Variants in ATF2 observed in about 807,000 individuals in gnomAD.
ATF2 encodes the protein activating transcription factor 2, also known as cyclic AMP-dependent transcription factor ATF-2.
Under a neutral mutation model 60.6 loss-of-function variants are expected in ATF2, and 24 were observed. The ratio of observed to expected loss-of-function variants is 0.40; its 90% CI spans 0.29 to 0.56. The LOEUF is 0.56. Ranked by LOEUF, ATF2 falls within the 20% of genes least tolerant of loss-of-function variation. The pLI is 0.54. For synonymous variants in ATF2, 206 were observed against 215.4 expected (o/e 0.96, Z 0.38); for missense variants, 433 against 607.7 (o/e 0.71, Z 3.02).
chr2:175,093,339 G>A, intron 11 of ATF2, 72 bp from the exon 12 acceptor site: 1 of 1,434,686 alleles, frequency 7.0e-7, no homozygotes, highest in Non-Finnish European at 9.6e-7. Flanking sequence ...AGTAAAGGGT[G>A]TCAAAGGGGG....
chr2:175,083,143 C>G (rs528742450), intron 12 of ATF2, among the ~76,000 whole-genome samples: 5 of 151,830 alleles, frequency 3.3e-5, no homozygotes, highest in Admixed American at 3.3e-4. Flanking sequence ...TTGGAAAAAA[C>G]TACTTTAAAG....
intron 2 of ATF2, among the ~76,000 whole-genome samples, chr2:175,142,720 A>AGTGTGT (rs755635658): frequency 6.9e-4 from 49 of 71,182 alleles, no homozygotes; most frequent in South Asian, 2.2e-3. Context: ...AGAGAGAGAG[A>AGTGTGT]GTGTGTGTGT....
At chr2:175,159,856 C>G (rs1411692245) in intron 1 of ATF2, among the ~76,000 whole-genome samples, 5 of 152,116 alleles carry the variant, frequency 3.3e-5, no homozygotes, top group African/African-American at 1.2e-4. Flanking sequence ...AATAACATCA[C>G]CTTAGATTTG....
chr2:175,140,529 T>C (rs1023478499), intron 2 of ATF2, among the ~76,000 whole-genome samples: 2 of 151,964 alleles, frequency 1.3e-5, no homozygotes, highest in Admixed American at 6.6e-5. Context: ...GAGAAAACTT[T>C]TGAGGGTGAC....
At chr2:175,123,887 C>T (rs1007214195) in intron 4 of ATF2, among the ~76,000 whole-genome samples, 4 of 151,990 alleles carry the variant, frequency 2.6e-5, no homozygotes, top group African/African-American at 9.7e-5. Flanking sequence ...GCACTTGATA[C>T]AGGTGAATTT....
chr2:175,104,696 T>A (rs768749017), intron 10 of ATF2, among the ~76,000 whole-genome samples: 4 of 152,196 alleles, frequency 2.6e-5, no homozygotes, highest in Non-Finnish European at 5.9e-5. Flanking sequence ...GATGACAGAA[T>A]TGTTTATATG....
intron 1 of ATF2, among the ~76,000 whole-genome samples, chr2:175,163,964 G>C (rs1700189472): frequency 8.5e-6 from 1 of 117,372 alleles, no homozygotes; most frequent in African/African-American, 2.9e-5. Context: ...TAGTTTCAAG[G>C]TTGCCAACAA....
intron 10 of ATF2, among the ~76,000 whole-genome samples, chr2:175,103,945 T>C (rs1261000411): frequency 6.6e-6 from 1 of 152,116 alleles, no homozygotes; most frequent in East Asian, 1.9e-4. Flanking sequence ...AAGTACTATA[T>C]AGTCTTTCAT....
At chr2:175,158,753 A>G (rs1290901379) in intron 1 of ATF2, among the ~76,000 whole-genome samples, 3 of 152,074 alleles carry the variant, frequency 2.0e-5, no homozygotes, top group Non-Finnish European at 4.4e-5. Flanking sequence ...GCCCCTGGCC[A>G]GGAAAATTTT....
chr2:175,078,258 C>T (rs560441150), intron 13 of ATF2, among the ~76,000 whole-genome samples: 183 of 152,232 alleles, frequency 1.2e-3, no homozygotes, highest in African/African-American at 4.4e-3. Context: ...AGGGATGAGC[C>T]ACAGTGCCTG....
chr2:175,151,773 GA>G (rs1699331082), intron 1 of ATF2, among the ~76,000 whole-genome samples: 1 of 152,132 alleles, frequency 6.6e-6, no homozygotes, highest in Non-Finnish European at 1.5e-5. Flanking sequence ...AGGCAATCCA[GA>G]ACCATGATCG....
At chr2:175,120,777 C>T (rs961933240) in intron 5 of ATF2, among the ~76,000 whole-genome samples, 40 of 151,594 alleles carry the variant, frequency 2.6e-4, no homozygotes, top group African/African-American at 8.9e-4. Flanking sequence ...TGTATATATA[C>T]ATAGATGTGT....
intron 1 of ATF2, among the ~76,000 whole-genome samples, chr2:175,153,986 G>A (rs190807927): frequency 4.0e-5 from 6 of 151,750 alleles, no homozygotes; most frequent in South Asian, 2.1e-4. Flanking sequence ...TTGGGAAACC[G>A]AGGTGGGCGG....
Position 175,097,571 on chromosome 2 carries a change from T to C in ATF2, c.851A>G (p.Gln284Arg). 6.2e-7 allele frequency: 1 copy of C among 1,614,104 alleles called. No individual in the cohort carries two copies. The highest frequency in any genetic ancestry group is 8.5e-7 in the Non-Finnish European group (1 of 1,179,990). The stretch of plus-strand genomic sequence containing the variant: ...ACCATTGGTAACTGGAGGATGTTGC[T>C]GGGTCAAAGCAGCTTTTAATCTCTG... ...AKMRLKAALT[Q>R]QHPPVTNGDT... Residue 284 changes from glutamine to arginine, a missense_variant, in exon 11 of 14, where the codon CAG becomes CGG. Around this residue, in one of 5 missense-constraint regions of ATF2, gnomAD observed 246 missense variants for 309.3 expected, o/e 0.80. Transcript: ENST00000264110.
rs564038992 is a variant in ATF2, at chr2:175,145,807, G to T, written c.-44+5253C>A. On this transcript the variant is annotated intron_variant, in intron 2 of 13. Transcript: ENST00000264110. ...AAAGTAAGAAAGGACTTAAATCTGG[G>T]ATAATATGATGATCAAAATAAATAA... 2.0e-5 allele frequency among the ~76,000 whole-genome samples: 3 copies of T among 152,158 alleles called. 1 individual carries two copies. The South Asian group carries it at 6.2e-4, about 32-fold the overall frequency.
At chr2:175,084,542 C>A in intron 12 of ATF2, among the ~76,000 whole-genome samples, 1 of 145,602 alleles carries the variant, frequency 6.9e-6, no homozygotes, top group African/African-American at 2.6e-5. Flanking sequence ...ATACCTAATG[C>A]TAAATGACGA....
chr2:175,117,728 ATTAAG>A (rs1246449201), intron 7 of ATF2, among the ~76,000 whole-genome samples: 2 of 151,962 alleles, frequency 1.3e-5, no homozygotes, highest in East Asian at 1.9e-4. Context: ...ACACAGAAAA[ATTAAG>A]TTAAATTTAT....
At chr2:175,106,603 G>T (rs1240740433) in intron 10 of ATF2, among the ~76,000 whole-genome samples, 1 of 150,366 alleles carries the variant, frequency 6.7e-6, no homozygotes, top group Non-Finnish European at 1.5e-5. Flanking sequence ...TGGGAAGCTG[G>T]GGTAGGCAGA....
chr2:175,133,725 A>T (rs1697919438), intron 3 of ATF2, among the ~76,000 whole-genome samples: 1 of 152,220 alleles, frequency 6.6e-6, no homozygotes, highest in East Asian at 1.9e-4. Context: ...TAAAAGTGAA[A>T]GGCAAAGCAT....
Sources: gnomAD v4.1 joint callset for allele counts (sites outside exome capture counted in the v4.1 genomes callset) on GRCh38, gnomAD v4.1.1 for gene constraint, gnomAD v4.1.1 regional missense constraint, MANE v1.5 for transcripts, NCBI Gene and HGNC (gene_info 2026-07-23, HGNC 2026-07-21) for gene names.